The following CAMK1D variants were observed in gnomAD, a reference collection of about 807,000 sequenced individuals.
CAMK1D encodes calcium/calmodulin-dependent protein kinase type 1D.
A neutral mutation model predicts 47.7 loss-of-function variants in CAMK1D; 9 were observed. That is an observed-to-expected ratio of 0.19 (90% confidence interval 0.11 to 0.33). The LOEUF is 0.33. CAMK1D is among the 10% of genes least tolerant of loss of function. CAMK1D has a pLI of 1.00. For synonymous variants in CAMK1D, 184 were observed against 184.9 expected (o/e 0.99, Z 0.04); for missense variants, 291 against 488.7 (o/e 0.60, Z 3.81).
chr10:12,679,670 C>G (rs1840925426), intron 3 of CAMK1D, among the ~76,000 whole-genome samples: 1 of 152,224 alleles, frequency 6.6e-6, no homozygotes, highest in South Asian at 2.1e-4. Context: ...TGGGTTTTCT[C>G]TCATGTCTCC....
intron 2 of CAMK1D, among the ~76,000 whole-genome samples, chr10:12,646,172 T>C (rs1363898530): frequency 1.3e-5 from 2 of 152,192 alleles, no homozygotes; most frequent in Admixed American, 6.5e-5. Context: ...TTGTAATTGA[T>C]TTTAAAAGAT....
intron 3 of CAMK1D, among the ~76,000 whole-genome samples, chr10:12,705,995 C>A (rs1429402844): frequency 6.6e-6 from 1 of 152,196 alleles, no homozygotes; most frequent in Non-Finnish European, 1.5e-5. Context: ...AATCCTTATC[C>A]ATTTAGATAA....
rs1313748043 is a variant in CAMK1D, at chr10:12,558,898, C to T, written c.224+5542C>T. Among the ~76,000 whole-genome samples the T allele has an allele frequency of 5.9e-5, 9 of 152,156 alleles. 1 individual carries two copies. The highest frequency in any genetic ancestry group is 1.3e-4 in the Admixed American group (2 of 15,278). On this transcript the variant is annotated intron_variant, in intron 2 of 10. Transcript: ENST00000619168. The stretch of plus-strand genomic sequence containing the variant: ...GAACTGATTTGAATTGGCATGTTTT[C>T]GTCTATCTGGGTACACTGAGGAGTC...
At chr10:12,707,042 A>C (rs1037976343) in intron 3 of CAMK1D, among the ~76,000 whole-genome samples, 8 of 152,238 alleles carry the variant, frequency 5.3e-5, no homozygotes, top group African/African-American at 1.9e-4. Context: ...TTAAAATACA[A>C]CTTAACAGGC....
At position 12,790,095 on chromosome 10, in the gene CAMK1D, A is replaced by G. The variant is rs138325747; in HGVS notation, c.566-1063A>G. 7.9e-5 allele frequency among the ~76,000 whole-genome samples: 12 copies of G among 152,376 alleles called. No homozygotes were observed. The East Asian group carries it at 2.3e-3, about 29-fold the overall frequency. On this transcript the variant is annotated intron_variant, in intron 5 of 10. Transcript: ENST00000619168. ...GCCCCAAGGCCAGTAAAAGAGAATC[A>G]GTATAGAACAAGCCACAAGGCCAGG...
At chr10:12,529,153 C>T (rs1487465100) in intron 1 of CAMK1D, among the ~76,000 whole-genome samples, 1 of 152,176 alleles carries the variant, frequency 6.6e-6, no homozygotes, top group African/African-American at 2.4e-5. Context: ...TCTTCACCCT[C>T]ATCGTCATAG....
rs1833096320 is a variant in CAMK1D at position 12,694,142 on chromosome 10, TATA to T, written c.299+27336_299+27338del. On this transcript the variant is annotated intron_variant, in intron 3 of 10. Coordinates refer to ENST00000619168, the MANE Select transcript of CAMK1D (RefSeq NM_153498.4). ...TATGCATAATATATATTATATATAA[TATA>T]ATATATAATATATATTATGCATAAT... 7.5e-4 allele frequency among the ~76,000 whole-genome samples: 6 copies of T among 7,966 alleles called. 3 individuals carry two copies. The Admixed American group carries it at 9.5e-3, about 13-fold the overall frequency. The allele number at this position is 7,966 out of a possible 152,430, so 5.2% of individuals were successfully genotyped here. A position where few individuals can be genotyped will look rare whatever the true frequency, so the allele number is the denominator to read the frequency against.
intron 2 of CAMK1D, among the ~76,000 whole-genome samples, chr10:12,650,324 C>T (rs1839925114): frequency 6.6e-6 from 1 of 152,232 alleles, no homozygotes; most frequent in African/African-American, 2.4e-5. Context: ...GGTCAGATGC[C>T]AGGGCAGGGC....
chr10:12,422,558 C>T (rs556991942), intron 1 of CAMK1D, among the ~76,000 whole-genome samples: 7 of 152,202 alleles, frequency 4.6e-5, no homozygotes, highest in African/African-American at 1.7e-4. Flanking sequence ...TGCAAGAGGC[C>T]TAGAGCTCTC....
chr10:12,588,438 T>A (rs770438579), intron 2 of CAMK1D, among the ~76,000 whole-genome samples: 5 of 152,204 alleles, frequency 3.3e-5, no homozygotes, highest in African/African-American at 4.8e-5. Context: ...GAAACCGTGC[T>A]CTCAATAAGT....
chr10:12,766,093 G>A (rs1248234537), intron 4 of CAMK1D, among the ~76,000 whole-genome samples: 1 of 150,610 alleles, frequency 6.6e-6, no homozygotes, highest in African/African-American at 2.5e-5. Flanking sequence ...AGCCTCCCTA[G>A]TAGCTGGGAT....
At chr10:12,553,493 A>G (rs1001773268) in intron 2 of CAMK1D, 137 bp downstream of exon 2, 3 of 650,478 alleles carry the variant, frequency 4.6e-6, no homozygotes, top group Admixed American at 2.8e-5. Context: ...ACGATAACCA[A>G]CTTTCAAAGC....
At chr10:12,804,937 CAAAAAA>C (rs145584740) in intron 6 of CAMK1D, among the ~76,000 whole-genome samples, 3 of 51,054 alleles carry the variant, frequency 5.9e-5, no homozygotes, top group African/African-American at 8.3e-5. Flanking sequence ...GACCCTGTCT[CAAAAAA>C]AAAAAAAAAA....
At position 12,522,891 on chromosome 10, in the gene CAMK1D, C is replaced by T. The variant is rs1308611131; in HGVS notation, c.93-30334C>T. On this transcript the variant is annotated intron_variant, in intron 1 of 10. Transcript: ENST00000619168. ...GGGGGCTGACCCCCCACCTCCCTCC[C>T]GGACGGGGCGGCTGGCCGGGCGGGG... Among the ~76,000 whole-genome samples, 8 of 89,680 alleles carry T rather than the reference C, an allele frequency of 8.9e-5. 3 individuals are homozygous for T. The highest frequency in any genetic ancestry group is 3.2e-4 in the East Asian group (1 of 3,118). The allele number at this position is 89,680 out of a possible 152,430, so 58.8% of individuals were successfully genotyped here.
At chr10:12,720,840 T>A (rs1448028232) in intron 3 of CAMK1D, among the ~76,000 whole-genome samples, 1 of 152,222 alleles carries the variant, frequency 6.6e-6, no homozygotes, top group Non-Finnish European at 1.5e-5. Flanking sequence ...TTGTCCTCCC[T>A]CAGTCATTTC....
chr10:12,417,861 G>C (rs1363197703), intron 1 of CAMK1D, among the ~76,000 whole-genome samples: 2 of 151,948 alleles, frequency 1.3e-5, no homozygotes, highest in Non-Finnish European at 2.9e-5. Flanking sequence ...GAGTGCAGTG[G>C]CATGATCTTG....
intron 2 of CAMK1D, among the ~76,000 whole-genome samples, chr10:12,620,713 T>A (rs1838973491): frequency 6.6e-6 from 1 of 152,258 alleles, no homozygotes; most frequent in African/African-American, 2.4e-5. Context: ...TCTTCCCCTC[T>A]GAGTTTGTCC....
intron 3 of CAMK1D, among the ~76,000 whole-genome samples, chr10:12,737,735 G>A (rs1237630982): frequency 6.6e-6 from 1 of 152,116 alleles, no homozygotes; most frequent in African/African-American, 2.4e-5. Flanking sequence ...AGATTCTACA[G>A]CACTTTACTC....
intron 1 of CAMK1D, among the ~76,000 whole-genome samples, chr10:12,510,702 C>T (rs1244303736): frequency 6.6e-6 from 1 of 152,196 alleles, no homozygotes; most frequent in Non-Finnish European, 1.5e-5. Context: ...AGATTTCATT[C>T]TGGCCACTCC....
Sources: allele counts gnomAD v4.1 joint callset (sites outside exome capture counted in the v4.1 genomes callset), GRCh38; gene constraint gnomAD v4.1.1; transcripts MANE v1.5; gene names NCBI Gene and HGNC (gene_info 2026-07-23, HGNC 2026-07-21).